FGF12: variants seen among roughly 807,000 people sequenced by gnomAD.
FGF12 encodes the protein fibroblast growth factor 12B.
Under a neutral mutation model 23.6 loss-of-function variants are expected in FGF12, and 14 were observed. The observed-to-expected ratio is 0.59, with a 90% confidence interval of 0.39 to 0.93. The LOEUF (loss-of-function observed/expected upper bound fraction) is 0.93, where lower values mean the gene tolerates loss of function less well. FGF12 is among the 40% of genes least tolerant of loss of function. FGF12 has a pLI of 0.00. For missense variants in FGF12, 175 were observed against 217.8 expected, an observed-to-expected ratio of 0.80 and a Z score of 1.24; for synonymous variants, 62 against 77.3, an observed-to-expected ratio of 0.80 and a Z score of 1.04.
intron 2 of FGF12, among the ~76,000 whole-genome samples, chr3:192,611,047 G>A (rs1714533030): frequency 6.6e-6 from 1 of 151,956 alleles, no homozygotes; most frequent in African/African-American, 2.4e-5. Flanking sequence ...GTAAGGGCAA[G>A]AACTTCTGTC....
At chr3:192,724,704 G>C (rs1470441959) in intron 2 of FGF12, among the ~76,000 whole-genome samples, 2 of 152,212 alleles carry the variant, frequency 1.3e-5, no homozygotes, top group Non-Finnish European at 2.9e-5. Flanking sequence ...ATGACAGGGA[G>C]TGATGCAAAG....
intron 4 of FGF12, among the ~76,000 whole-genome samples, chr3:192,304,825 T>C (rs1169677559): frequency 6.6e-6 from 1 of 152,206 alleles, no homozygotes. Context: ...GATCCCACTT[T>C]GAATGTCTTA....
intron 4 of FGF12, among the ~76,000 whole-genome samples, chr3:192,294,302 C>T (rs1714917405): frequency 6.6e-6 from 1 of 152,060 alleles, no homozygotes; most frequent in African/African-American, 2.4e-5. Context: ...GAGGAAGGGG[C>T]TAACTAGATC....
rs773728691 is a variant in FGF12 at position 192,360,460 on chromosome 3, A to G, written c.92T>C (p.Ile31Thr). ...GCTGTTTTCGTCCTTGGTCCCATCAATGGTACCATCTGGGTGCATCTGCAG... is the reference window on the plus strand; with the variant it reads ...GCTGTTTTCGTCCTTGGTCCCATCAGTGGTACCATCTGGGTGCATCTGCAG... ...YFLQMHPDGT[I>T]DGTKDENSDY... Residue 31 changes from isoleucine (I) to threonine (T), a missense_variant, in exon 3 of 6, where the codon ATT (isoleucine) becomes ACT (threonine). By Grantham distance (89) the Ile-to-Thr change is moderately conservative. Transcript: ENST00000445105. The surrounding 1 kb of genome is among the most constrained non-coding windows in gnomAD (Gnocchi z 4.3). 110 of 1,613,614 alleles carry G rather than the reference A, an allele frequency of 6.8e-5. No individual in the cohort carries two copies. The highest frequency in any genetic ancestry group is 8.9e-5 in the Non-Finnish European group (105 of 1,179,682).
chr3:192,178,649 C>A (rs1386253186), intron 4 of FGF12, among the ~76,000 whole-genome samples: 2 of 152,152 alleles, frequency 1.3e-5, no homozygotes, highest in Non-Finnish European at 2.9e-5. Context: ...CAGGCGCCTG[C>A]CACCATGCCT....
intron 2 of FGF12, among the ~76,000 whole-genome samples, chr3:192,530,417 TGGA>T (rs1251331452): frequency 3.3e-5 from 5 of 152,208 alleles, no homozygotes; most frequent in Non-Finnish European, 5.9e-5. Context: ...AATGATATGG[TGGA>T]GAAGCTTATT....
chr3:192,196,287 A>C (rs565856897), intron 4 of FGF12, among the ~76,000 whole-genome samples: 1 of 150,346 alleles, frequency 6.7e-6, no homozygotes, highest in South Asian at 2.1e-4. Flanking sequence ...CATCAACTTT[A>C]AAAGACACAA....
At chr3:192,649,662 C>T (rs1716140777) in intron 2 of FGF12, among the ~76,000 whole-genome samples, 1 of 152,030 alleles carries the variant, frequency 6.6e-6, no homozygotes, top group South Asian at 2.1e-4. Context: ...AGCGATCCTC[C>T]CACCTCACCT....
intron 2 of FGF12, among the ~76,000 whole-genome samples, chr3:192,467,856 T>C (rs1420121661): frequency 1.3e-5 from 2 of 152,158 alleles, no homozygotes; most frequent in Non-Finnish European, 2.9e-5. Context: ...AGAGAACACA[T>C]TTGCTTTGAC....
chr3:192,439,266 T>C (rs1274949064), intron 2 of FGF12, among the ~76,000 whole-genome samples: 1 of 152,214 alleles, frequency 6.6e-6, no homozygotes, highest in Non-Finnish European at 1.5e-5. Flanking sequence ...TCTGACACTA[T>C]CAGTATTCTT....
chr3:192,722,858 C>T lies in FGF12; in HGVS notation c.13+4323G>A, dbSNP rs566010982. On this transcript the variant is annotated intron_variant, in intron 2 of 5. Coordinates refer to ENST00000445105, the MANE Select transcript of FGF12 (RefSeq NM_004113.6). Reference sequence around the variant, plus strand: ...AAATTGTCAAGTTCAGAGATTGCATCTTAGTTTTCTTTCACATTCTCAGAA... The same window carrying T: ...AAATTGTCAAGTTCAGAGATTGCATTTTAGTTTTCTTTCACATTCTCAGAA... Among the ~76,000 whole-genome samples, 3 of 152,258 alleles carry T rather than the reference C, an allele frequency of 2.0e-5. No homozygotes were observed. The South Asian group carries it at 6.2e-4, about 32-fold the overall frequency.
intron 4 of FGF12, among the ~76,000 whole-genome samples, chr3:192,277,586 G>T (rs1314311421): frequency 6.6e-6 from 1 of 152,184 alleles, no homozygotes; most frequent in Non-Finnish European, 1.5e-5. Context: ...GTAACTATGA[G>T]TATTGCTTGC....
intron 2 of FGF12, among the ~76,000 whole-genome samples, chr3:192,661,251 G>A (rs758350143): frequency 3.3e-5 from 5 of 152,238 alleles, no homozygotes; most frequent in Non-Finnish European, 5.9e-5. Flanking sequence ...GCTGGGCGCT[G>A]TGGCTCACGC....
At chr3:192,365,069 C>A (rs1311400495) in intron 2 of FGF12, among the ~76,000 whole-genome samples, 6 of 152,022 alleles carry the variant, frequency 3.9e-5, no homozygotes, top group Non-Finnish European at 4.4e-5. Context: ...AAATAATGTT[C>A]TACAAAATAC....
At chr3:192,383,540 A>T (rs1338457845) in intron 2 of FGF12, among the ~76,000 whole-genome samples, 2 of 46,776 alleles carry the variant, frequency 4.3e-5, no homozygotes, top group Admixed American at 2.0e-4. Flanking sequence ...AAATCTGATT[A>T]AAAAAAAAAA....
At chr3:192,466,503 C>T (rs148344013) in intron 2 of FGF12, among the ~76,000 whole-genome samples, 2 of 152,048 alleles carry the variant, frequency 1.3e-5, no homozygotes, top group African/African-American at 4.8e-5. Context: ...TTTGCATTTA[C>T]CAAAGGGTCC....
intron 5 of FGF12, among the ~76,000 whole-genome samples, chr3:192,167,774 T>TAA (rs1715305822): frequency 1.0e-4 from 4 of 38,952 alleles, no homozygotes; most frequent in African/African-American, 1.9e-4. Context: ...TATATAAAAT[T>TAA]TTTTTTTTTT....
At chr3:192,441,862 G>A (rs2108796843) in intron 2 of FGF12, among the ~76,000 whole-genome samples, 1 of 152,296 alleles carries the variant, frequency 6.6e-6, no homozygotes, top group Non-Finnish European at 1.5e-5. Flanking sequence ...TTTCCTGTTT[G>A]TAATCCCAAG....
intron 4 of FGF12, among the ~76,000 whole-genome samples, chr3:192,188,386 T>C (rs1225375159): frequency 1.3e-5 from 2 of 152,178 alleles, no homozygotes; most frequent in East Asian, 1.9e-4. Flanking sequence ...CCTGAGGTGG[T>C]ACTTAACCTC....
Sources: gnomAD v4.1 joint callset for allele counts (sites outside exome capture counted in the v4.1 genomes callset) on GRCh38, gnomAD v4.1.1 for gene constraint, Gnocchi (gnomAD v3.1) non-coding constraint, MANE v1.5 for transcripts, NCBI Gene and HGNC (gene_info 2026-07-23, HGNC 2026-07-21) for gene names.